Variants in ARHGEF4 observed in about 807,000 individuals in gnomAD.
ARHGEF4 encodes APC-stimulated guanine nucleotide exchange factor 1.
ARHGEF4 carries 119 observed loss-of-function variants against 162.0 expected under a neutral mutation model. That is an observed-to-expected ratio of 0.73 (90% CI 0.63 to 0.86). The LOEUF is 0.86. Ranked by LOEUF, ARHGEF4 falls within the 40% of genes least tolerant of loss-of-function variation. The pLI is 0.00. For synonymous variants in ARHGEF4, 1,014 were observed against 979.9 expected (o/e 1.03, Z -0.65); for missense variants, 2,488 against 2,456.0 (o/e 1.01, Z -0.28).
intron 1 of ARHGEF4, among the ~76,000 whole-genome samples, chr2:130,897,302 G>C (rs1035776284): frequency 6.6e-6 from 1 of 152,216 alleles, no homozygotes; most frequent in Non-Finnish European, 1.5e-5. Context: ...GGAAATGTTA[G>C]CGCCTCCTGG....
At chr2:130,843,745 C>T (rs1384720696) in intron 1 of ARHGEF4, among the ~76,000 whole-genome samples, 1 of 152,236 alleles carries the variant, frequency 6.6e-6, no homozygotes, top group East Asian at 1.9e-4. Flanking sequence ...GTTGTTCTCT[C>T]CCTCTGGGCT....
chr2:131,045,305 G>A (rs1573719028), intron 12 of ARHGEF4, 64 bp from the exon 13 acceptor site: 25 of 1,450,944 alleles, frequency 1.7e-5, no homozygotes, highest in Non-Finnish European at 2.2e-5. Context: ...AGGTGCAGGT[G>A]TGCAGGGAAC....
At chr2:130,957,757 G>T (rs1486669646) in intron 4 of ARHGEF4, among the ~76,000 whole-genome samples, 2 of 152,066 alleles carry the variant, frequency 1.3e-5, no homozygotes, top group African/African-American at 4.8e-5. Context: ...AAACTCTCTA[G>T]CCCTCTTTCC....
intron 4 of ARHGEF4, among the ~76,000 whole-genome samples, chr2:131,019,003 T>C (rs1688928390): frequency 1.3e-5 from 2 of 152,226 alleles, no homozygotes; most frequent in Admixed American, 1.3e-4. Flanking sequence ...TAGTAAGTTT[T>C]GAAATCAGGA....
intron 4 of ARHGEF4, among the ~76,000 whole-genome samples, chr2:131,003,356 C>T (rs569722697): frequency 1.3e-5 from 2 of 152,242 alleles, no homozygotes; most frequent in African/African-American, 4.8e-5. Context: ...GCTCCTGGCA[C>T]ATGATGACCA....
intron 4 of ARHGEF4, among the ~76,000 whole-genome samples, chr2:130,976,624 G>A (rs930843211): frequency 7.9e-5 from 12 of 152,136 alleles, no homozygotes; most frequent in Non-Finnish European, 1.3e-4. Flanking sequence ...CTCACTCCAC[G>A]AAATTTCAGA....
intron 4 of ARHGEF4, among the ~76,000 whole-genome samples, chr2:130,974,982 G>A (rs1230951836): frequency 1.3e-5 from 2 of 152,040 alleles, no homozygotes; most frequent in Non-Finnish European, 1.5e-5. Flanking sequence ...TGATACTAAA[G>A]TTCTTTTTCC....
At chr2:130,921,389 G>T (rs1386009881) in intron 2 of ARHGEF4, among the ~76,000 whole-genome samples, 1 of 152,140 alleles carries the variant, frequency 6.6e-6, no homozygotes, top group African/African-American at 2.4e-5. Context: ...GCCCGTTTGG[G>T]GCTGCTGTGA....
Position 131,046,115 on chromosome 2 carries a change from G to T in ARHGEF4, c.5557G>T (p.Val1853Leu). 1.2e-6 allele frequency: 2 copies of T among 1,612,938 alleles called. No homozygotes were observed. Among genetic ancestry groups the T allele is most frequent in the Non-Finnish European group, 1.7e-6 (2 of 1,179,908 alleles). ...PSNRPQQQVL[V>L]LAEPRRKPST... ...CAACCGGCCCCAGCAGCAGGTCCTG[G>T]TGCTGGCGGAGCCCAGGCGCAAGCC... The change falls in exon 14 of 14, where the codon GTG (valine) becomes TTG (leucine). Residue 1853 changes from valine (V) to leucine (L), a missense_variant. Val to Leu is a conservative substitution (Grantham distance 32). This residue lies in a region of ARHGEF4 where 415 missense variants were observed against 512.4 expected (regional missense o/e 0.81). Transcript: ENST00000409359.
chr2:130,853,848 A>G (rs554151215), intron 1 of ARHGEF4, among the ~76,000 whole-genome samples: 1 of 152,312 alleles, frequency 6.6e-6, no homozygotes, highest in East Asian at 1.9e-4. Flanking sequence ...GAGCCGGAGG[A>G]TGCAGGCCAC....
intron 1 of ARHGEF4, among the ~76,000 whole-genome samples, chr2:130,849,553 C>T (rs114857079): frequency 0.011 from 1,609 of 151,082 alleles, 32 homozygotes; most frequent in African/African-American, 0.037. Context: ...CACCTCCTTT[C>T]CATGATCTAG....
At chr2:131,045,292 G>C in intron 12 of ARHGEF4, 77 bp from the exon 13 acceptor site, 1 of 1,307,038 alleles carries the variant, frequency 7.7e-7, no homozygotes, top group Non-Finnish European at 1.1e-6. Context: ...CTGGGCACCA[G>C]GAAGGTGCAG....
rs1008613733 is a variant in ARHGEF4, at chr2:130,837,004, C to T, written c.39+12C>T. On this transcript the variant is annotated intron_variant, in intron 1 of 13. Coordinates refer to ENST00000409359, the MANE Select transcript of ARHGEF4 (RefSeq NM_001367493.1). ...GGAGCTTCTTCAAGGTGAGAGCCGG[C>T]GTCCGGGACTTGCGGTCGGGCTCCC... 4 of 1,227,046 alleles carry T rather than the reference C, an allele frequency of 3.3e-6. No homozygotes were observed. The highest frequency in any genetic ancestry group is 3.1e-5 in the African/African-American group (2 of 64,196). 76.0% of individuals were successfully genotyped at this position (1,227,046 alleles called of 1,614,324 possible). A position where few individuals can be genotyped will look rare whatever the true frequency, so the allele number is the denominator to read the frequency against.
chr2:130,917,226 C>T lies in ARHGEF4; in HGVS notation c.3280C>T (p.Pro1094Ser). The change falls in exon 2 of 14, where the codon CCC becomes TCC. Residue 1094 changes from proline to serine, a missense_variant. Physicochemically the swap from Pro to Ser is moderately conservative, Grantham distance 74. Around this residue, in one of 6 missense-constraint regions of ARHGEF4, gnomAD observed 1,642 missense variants for 1,481.5 expected, o/e 1.11. Transcript: ENST00000409359. The stretch of plus-strand genomic sequence containing the variant: ...GCCCTGCAGACCCACGAGCCCCAAG[C>T]CCCTGAGTCCCAGGCCTAGTGCTCA... ...GTPCRPTSPK[P>S]LSPRPSAQRM... 1 of 1,550,554 alleles carries T rather than the reference C, an allele frequency of 6.4e-7. No individual in the cohort carries two copies.
intron 4 of ARHGEF4, among the ~76,000 whole-genome samples, chr2:130,993,291 C>T (rs13034966): frequency 0.8 from 121,360 of 152,172 alleles, 48,749 homozygotes; most frequent in East Asian, 0.88. Context: ...TTCAAATATA[C>T]ACAGATATTC....
chr2:131,041,416 CCTCTGCAGCTGGCCGA>C lies in ARHGEF4; in HGVS notation c.4850_4865del (p.Pro1617ArgfsTer23), dbSNP rs1312852892. On this transcript the variant is annotated frameshift_variant, in exon 9 of 14. Transcript: ENST00000409359. LOFTEE classifies it high-confidence loss of function. ...TCCGGTGCAGAAGATCTGCAAGTACCCTCTGCAGCTGGCCGAGCTGCTCAAATACACGCACCCCCAG... is the reference window on the plus strand; with the variant it reads ...TCCGGTGCAGAAGATCTGCAAGTACCGCTGCTCAAATACACGCACCCCCAG... 1 of 1,613,204 alleles carries C rather than the reference CCTCTGCAGCTGGCCGA, an allele frequency of 6.2e-7. No individual in the cohort carries two copies. Among genetic ancestry groups the C allele is most frequent in the Non-Finnish European group, 8.5e-7 (1 of 1,180,024 alleles).
intron 4 of ARHGEF4, among the ~76,000 whole-genome samples, chr2:130,966,243 TC>T (rs942311338): frequency 6.6e-5 from 10 of 152,276 alleles, no homozygotes; most frequent in Admixed American, 6.5e-4. Context: ...AAAAAGACAC[TC>T]CCGTGTATGC....
intron 3 of ARHGEF4, among the ~76,000 whole-genome samples, chr2:130,938,518 G>A (rs928627889): frequency 1.3e-5 from 2 of 152,160 alleles, no homozygotes; most frequent in African/African-American, 4.8e-5. Flanking sequence ...TAACTGGATA[G>A]CCTTTTCATT....
At chr2:131,044,574 C>A (rs1438765584) in intron 12 of ARHGEF4, 32 bp downstream of exon 12, 1 of 1,536,004 alleles carries the variant, frequency 6.5e-7, no homozygotes, top group Non-Finnish European at 8.8e-7. Context: ...TGCCCCGCCC[C>A]CAGGGCCCAC....
Sources: allele counts gnomAD v4.1 joint callset (sites outside exome capture counted in the v4.1 genomes callset), GRCh38; gene constraint gnomAD v4.1.1; regional missense constraint gnomAD v4.1.1; transcripts MANE v1.5; gene names NCBI Gene and HGNC (gene_info 2026-07-23, HGNC 2026-07-21).